ZEB1: variants seen among roughly 807,000 people sequenced by gnomAD.
ZEB1 encodes the protein zinc finger E-box-binding homeobox 1.
A neutral mutation model predicts 84.9 loss-of-function variants in ZEB1; 21 were observed. The observed-to-expected ratio is 0.25, with a 90% confidence interval of 0.18 to 0.36. The LOEUF is 0.36. Ranked by LOEUF, ZEB1 falls within the 10% of genes least tolerant of loss-of-function variation. ZEB1 has a pLI of 1.00. For synonymous variants in ZEB1, 420 were observed against 471.1 expected (o/e 0.89, Z 1.41); for missense variants, 1,104 against 1,330.2 (o/e 0.83, Z 2.65).
intron 1 of ZEB1, among the ~76,000 whole-genome samples, chr10:31,449,208 G>A (rs948391287): frequency 3.3e-5 from 5 of 152,188 alleles, no homozygotes; most frequent in African/African-American, 4.8e-5. Context: ...TCTTTGACTC[G>A]GAAAGGGAAC....
chr10:31,442,553 T>TATA (rs944377138), intron 1 of ZEB1, among the ~76,000 whole-genome samples: 4 of 143,526 alleles, frequency 2.8e-5, no homozygotes, highest in East Asian at 2.0e-4. Context: ...AACTTAAAAG[T>TATA]ATAATAATAA....
chr10:31,333,586 A>G (rs1309465081), intron 1 of ZEB1, among the ~76,000 whole-genome samples: 3 of 152,082 alleles, frequency 2.0e-5, no homozygotes, highest in Admixed American at 6.5e-5. Flanking sequence ...ACAAACTAGT[A>G]GAGAAGGGAA....
chr10:31,444,924 A>C (rs1051957371), intron 1 of ZEB1, among the ~76,000 whole-genome samples: 3 of 152,218 alleles, frequency 2.0e-5, no homozygotes, highest in Non-Finnish European at 2.9e-5. Context: ...TATGAACTTT[A>C]AAGTAGTTTT....
chr10:31,461,260 A>G, intron 2 of ZEB1, 23 bp downstream of exon 2: 1 of 1,589,636 alleles, frequency 6.3e-7, no homozygotes, highest in Non-Finnish European at 8.6e-7. Flanking sequence ...TTTTTTTGTA[A>G]TATTGTATTC....
intron 1 of ZEB1, among the ~76,000 whole-genome samples, chr10:31,364,817 A>T (rs990230554): frequency 7.9e-5 from 12 of 152,198 alleles, no homozygotes; most frequent in Non-Finnish European, 1.5e-4. Flanking sequence ...TGGATACAGC[A>T]TCTATTCTTA....
In ZEB1 at chr10:31,336,971, A is replaced by G. The variant is rs7099768; in HGVS notation, c.58+17679A>G. 8.8e-3 allele frequency among the ~76,000 whole-genome samples: 1,340 copies of G among 152,326 alleles called. 21 individuals are homozygous for G. The highest frequency in any genetic ancestry group is 0.031 in the African/African-American group (1,282 of 41,572). On this transcript the variant is annotated intron_variant, in intron 1 of 8. Transcript: ENST00000424869. ...CTATGACCCAGTATTCCTATGTCTTAGAGAAATCTCTATACAGACATACCA... is the reference window on the plus strand; with the variant it reads ...CTATGACCCAGTATTCCTATGTCTTGGAGAAATCTCTATACAGACATACCA...
chr10:31,343,712 G>T (rs79886374), intron 1 of ZEB1, among the ~76,000 whole-genome samples: 1 of 152,218 alleles, frequency 6.6e-6, no homozygotes, highest in South Asian at 2.1e-4. Context: ...TAGAGCAGGT[G>T]TGCTATGGTT....
At chr10:31,495,569 G>A (rs1329662417) in intron 2 of ZEB1, among the ~76,000 whole-genome samples, 1 of 151,922 alleles carries the variant, frequency 6.6e-6, no homozygotes, top group Non-Finnish European at 1.5e-5. Context: ...AAGTTAAAAT[G>A]TTTGTGACAA....
intron 3 of ZEB1, among the ~76,000 whole-genome samples, chr10:31,497,995 T>C (rs1315167426): frequency 6.6e-6 from 1 of 151,072 alleles, no homozygotes; most frequent in African/African-American, 2.4e-5. Context: ...TCAGTGTTTA[T>C]ATTAAATATT....
At chr10:31,505,698 C>A (rs1286989615) in intron 4 of ZEB1, among the ~76,000 whole-genome samples, 1 of 151,730 alleles carries the variant, frequency 6.6e-6, no homozygotes, top group Non-Finnish European at 1.5e-5. Context: ...TTCAAAAAAA[C>A]CAACTTTTTG....
intron 1 of ZEB1, among the ~76,000 whole-genome samples, chr10:31,457,440 A>G (rs1412237710): frequency 1.3e-5 from 2 of 152,160 alleles, no homozygotes; most frequent in East Asian, 3.8e-4. Context: ...AAGTGACAGA[A>G]GCAAAAGACA....
chr10:31,389,093 G>A (rs1244226346), intron 1 of ZEB1, among the ~76,000 whole-genome samples: 2 of 151,998 alleles, frequency 1.3e-5, no homozygotes, highest in Non-Finnish European at 2.9e-5. Context: ...AGTTTTGTAG[G>A]ATGTATAAAT....
At chr10:31,369,920 T>A (rs1255326097) in intron 1 of ZEB1, among the ~76,000 whole-genome samples, 2 of 152,226 alleles carry the variant, frequency 1.3e-5, no homozygotes, top group Non-Finnish European at 2.9e-5. Context: ...AAAGTAATAA[T>A]GCATTGTGGT....
At chr10:31,352,483 G>T (rs2133889058) in intron 1 of ZEB1, among the ~76,000 whole-genome samples, 1 of 152,276 alleles carries the variant, frequency 6.6e-6, no homozygotes, top group African/African-American at 2.4e-5. Flanking sequence ...AAGTTTAATG[G>T]CTTAAAACAA....
At chr10:31,466,373 A>G (rs1397825721) in intron 2 of ZEB1, among the ~76,000 whole-genome samples, 1 of 152,222 alleles carries the variant, frequency 6.6e-6, no homozygotes, top group Non-Finnish European at 1.5e-5. Flanking sequence ...GCCACAAGAT[A>G]AGTTTTAACA....
chr10:31,319,047 T>A (rs762213699), upstream of ZEB1: 110 of 634,432 alleles, frequency 1.7e-4, no homozygotes, highest in East Asian at 2.0e-3. Context: ...AACCGCCCGG[T>A]CCCTAGCAAC....
chr10:31,468,538 T>G (rs1416683442), intron 2 of ZEB1, among the ~76,000 whole-genome samples: 5 of 152,054 alleles, frequency 3.3e-5, no homozygotes, highest in Non-Finnish European at 7.4e-5. Flanking sequence ...GAGGTAAGTT[T>G]CCCCCAAAAG....
At position 31,527,284 on chromosome 10, in the gene ZEB1, A is replaced by G; in HGVS notation, c.*20A>G. 5 of 1,583,246 alleles carry G rather than the reference A, an allele frequency of 3.2e-6. No homozygotes were observed. The highest frequency in any genetic ancestry group is 1.7e-4 in the Middle Eastern group (1 of 6,044). On this transcript the variant is annotated 3_prime_UTR_variant, in exon 9 of 9. Coordinates refer to ENST00000424869, the MANE Select transcript of ZEB1 (RefSeq NM_001174096.2). ...GCCTAATCGTTTTTCTAGAAGGAAA[A>G]TAAATTCTAATTGATAATGAATTTC...
At chr10:31,409,852 T>C (rs147111018) in intron 1 of ZEB1, among the ~76,000 whole-genome samples, 2,731 of 152,310 alleles carry the variant, frequency 0.018, 36 homozygotes, top group Non-Finnish European at 0.022. Flanking sequence ...TTTTTGCACA[T>C]TGATTTTGTA....
Sources: gnomAD v4.1 joint callset for allele counts (sites outside exome capture counted in the v4.1 genomes callset) on GRCh38, gnomAD v4.1.1 for gene constraint, MANE v1.5 for transcripts, NCBI Gene and HGNC (gene_info 2026-07-23, HGNC 2026-07-21) for gene names.